The following DIAPH2 variants were observed in gnomAD, a reference collection of about 807,000 sequenced individuals.
DIAPH2 encodes diaphanous related formin 2, also known as protein diaphanous homolog 2.
In DIAPH2, 35 loss-of-function variants were observed where a neutral mutation model predicts 92.7. The ratio of observed to expected loss-of-function variants is 0.38; its 90% CI spans 0.29 to 0.50. DIAPH2 has a LOEUF of 0.50. DIAPH2 is among the 20% of genes least tolerant of loss of function. The pLI is 0.94. For synonymous variants in DIAPH2, 301 were observed against 280.4 expected, an observed-to-expected ratio of 1.07 and a Z score of -0.73; for missense variants, 701 against 819.5, an observed-to-expected ratio of 0.86 and a Z score of 1.77.
At chrX:96,898,976 A>C (rs1196900302) in intron 5 of DIAPH2, among the ~76,000 whole-genome samples, 1 of 108,815 alleles carries the variant, frequency 9.2e-6, no homozygotes, top group Admixed American at 9.8e-5. Flanking sequence ...CCATTTATTA[A>C]ATAGGGAATC....
intron 26 of DIAPH2, among the ~76,000 whole-genome samples, chrX:97,455,543 G>A (rs2070396491): frequency 8.9e-6 from 1 of 111,815 alleles, no homozygotes; most frequent in Admixed American, 9.5e-5. Flanking sequence ...AATTATTCAA[G>A]CTATTGGGGA....
intron 4 of DIAPH2, among the ~76,000 whole-genome samples, chrX:96,842,283 C>G (rs937935290): frequency 1.8e-5 from 2 of 111,975 alleles, no homozygotes; most frequent in Non-Finnish European, 3.8e-5. Context: ...TTTTCATTTA[C>G]AGGTTTCTTG....
chrX:97,136,582 G>T (rs1298113838), intron 21 of DIAPH2, among the ~76,000 whole-genome samples: 4 of 111,447 alleles, frequency 3.6e-5, no homozygotes, highest in Non-Finnish European at 7.5e-5. Context: ...AAATCATATA[G>T]GATAAAATGA....
At chrX:97,545,522 G>GGA (rs1344897972) in intron 26 of DIAPH2, among the ~76,000 whole-genome samples, 47 of 67,030 alleles carry the variant, frequency 7.0e-4, no homozygotes, top group African/African-American at 2.4e-3. Context: ...TAAGTTTGAT[G>GGA]AAAAAAAAAA....
At chrX:97,293,479 C>T (rs1326145786) in intron 23 of DIAPH2, among the ~76,000 whole-genome samples, 1 of 110,208 alleles carries the variant, frequency 9.1e-6, no homozygotes, top group East Asian at 2.8e-4. Flanking sequence ...TCTCTGTCTC[C>T]TGACCTCGTA....
intron 10 of DIAPH2, among the ~76,000 whole-genome samples, chrX:96,933,541 T>C (rs1343544017): frequency 1.9e-5 from 2 of 104,900 alleles, no homozygotes; most frequent in African/African-American, 3.4e-5. Flanking sequence ...TATATATGTG[T>C]ATATATATAT....
intron 4 of DIAPH2, among the ~76,000 whole-genome samples, chrX:96,838,838 A>G (rs1361242211): frequency 8.9e-6 from 1 of 112,215 alleles, no homozygotes; most frequent in Non-Finnish European, 1.9e-5. Context: ...AAATGAGCCT[A>G]GAGGCATGTT....
intron 19 of DIAPH2, among the ~76,000 whole-genome samples, chrX:97,081,471 A>C (rs1322542597): frequency 8.9e-6 from 1 of 112,387 alleles, no homozygotes; most frequent in Admixed American, 9.4e-5. Context: ...AGCTTTAAAC[A>C]ATTAATTTTT....
chrX:96,875,193 G>T (rs1029999807), intron 4 of DIAPH2, among the ~76,000 whole-genome samples: 1 of 112,164 alleles, frequency 8.9e-6, no homozygotes, highest in Admixed American at 9.5e-5. Context: ...TATTTGTAAA[G>T]ATTACAAAAT....
intron 26 of DIAPH2, among the ~76,000 whole-genome samples, chrX:97,563,254 A>G (rs1014211481): frequency 1.5e-4 from 17 of 112,045 alleles, no homozygotes; most frequent in Admixed American, 2.8e-4. Context: ...ATCAACCTGG[A>G]GAGACCAATT....
intron 23 of DIAPH2, among the ~76,000 whole-genome samples, chrX:97,289,899 C>T (rs2068575900): frequency 9.1e-6 from 1 of 109,542 alleles, no homozygotes; most frequent in Admixed American, 9.9e-5. Context: ...TAACTTTTGG[C>T]ATTTTTAGTA....
Position 97,432,317 on chromosome X carries a change from C to T in DIAPH2, c.3241+2572C>T, listed in dbSNP as rs1049743152. ...TTTATTTATTATTATTTTTTTGAGA[C>T]GGACTCTTGCCCTGTTGCCCAGGCT... On this transcript the variant is annotated intron_variant, in intron 26 of 26. Coordinates refer to ENST00000324765, the MANE Select transcript of DIAPH2 (RefSeq NM_006729.5). Among the ~76,000 whole-genome samples, 6 of 109,258 alleles carry T rather than the reference C, an allele frequency of 5.5e-5. No homozygotes were observed. The East Asian group carries it at 8.5e-4, about 16-fold the overall frequency. The allele number at this position is 109,258 out of a possible 115,157, so 94.9% of individuals were successfully genotyped here.
intron 22 of DIAPH2, among the ~76,000 whole-genome samples, chrX:97,184,621 G>C (rs1906606895): frequency 9.0e-6 from 1 of 111,453 alleles, no homozygotes; most frequent in Non-Finnish European, 1.9e-5. Context: ...TGGGGAGATT[G>C]AGTTAAAGCA....
intron 5 of DIAPH2, among the ~76,000 whole-genome samples, chrX:96,906,384 G>A (rs1248889538): frequency 8.9e-6 from 1 of 112,078 alleles, no homozygotes; most frequent in Admixed American, 9.4e-5. Context: ...TGTGGAAAAG[G>A]ATTCTTTAAT....
intron 5 of DIAPH2, among the ~76,000 whole-genome samples, chrX:96,889,719 G>A (rs905223767): frequency 9.0e-6 from 1 of 111,638 alleles, no homozygotes; most frequent in Non-Finnish European, 1.9e-5. Context: ...AGGAGATGTT[G>A]CTATTTTATA....
In DIAPH2 at chrX:97,494,176, G is replaced by A. The variant is rs139682402; in HGVS notation, c.3241+64431G>A. 1.5e-3 allele frequency among the ~76,000 whole-genome samples: 162 copies of A among 104,724 alleles called. 3 individuals are homozygous for A. The highest frequency in any genetic ancestry group is 4.7e-3 in the African/African-American group (135 of 28,902). 90.9% of individuals were successfully genotyped at this position (104,724 alleles called of 115,157 possible). A position where few individuals can be genotyped will look rare whatever the true frequency, so the allele number is the denominator to read the frequency against. On this transcript the variant is annotated intron_variant, in intron 26 of 26. Coordinates refer to ENST00000324765, the MANE Select transcript of DIAPH2 (RefSeq NM_006729.5). ...ACACACACACACAGAAAAATTAGCCGGGCATGGTGTCCCATGTCTGTAGTC... is the reference window on the plus strand; with the variant it reads ...ACACACACACACAGAAAAATTAGCCAGGCATGGTGTCCCATGTCTGTAGTC...
intron 4 of DIAPH2, among the ~76,000 whole-genome samples, chrX:96,818,951 A>G (rs2064759540): frequency 1.8e-5 from 2 of 112,720 alleles, no homozygotes; most frequent in African/African-American, 6.4e-5. Context: ...ATCAGGCATT[A>G]GTTAGATTCT....
intron 1 of DIAPH2, among the ~76,000 whole-genome samples, chrX:96,685,593 C>A (rs182804968): frequency 1.3e-4 from 15 of 112,258 alleles, no homozygotes; most frequent in Admixed American, 4.7e-4. Context: ...GGCAGGGGAA[C>A]CTCCCTCCTT....
At chrX:96,989,011 G>T (rs1290291415) in intron 17 of DIAPH2, among the ~76,000 whole-genome samples, 1 of 110,549 alleles carries the variant, frequency 9.0e-6, no homozygotes, top group Admixed American at 9.6e-5. Flanking sequence ...AACCTGTTCT[G>T]ATTTTAAAAA....
Sources: gnomAD v4.1 joint callset for allele counts (sites outside exome capture counted in the v4.1 genomes callset) on GRCh38, gnomAD v4.1.1 for gene constraint, MANE v1.5 for transcripts, NCBI Gene and HGNC (gene_info 2026-07-23, HGNC 2026-07-21) for gene names.